Variants in DIP2C observed in about 807,000 individuals in gnomAD.
DIP2C encodes DIP2 acetate--CoA ligase C (putative), also known as disco-interacting protein 2 homolog C.
In DIP2C, 33 loss-of-function variants were observed where a neutral mutation model predicts 192.4. The ratio of observed to expected loss-of-function variants is 0.17; its 90% confidence interval spans 0.13 to 0.23. The LOEUF is 0.23. DIP2C is among the 10% of genes least tolerant of loss of function. DIP2C has a pLI of 1.00. For synonymous variants in DIP2C, 979 were observed against 864.1 expected (o/e 1.13, Z -2.33); for missense variants, 1,537 against 2,110.1 (o/e 0.73, Z 5.32).
chr10:388,302 T>C (rs1398932297), intron 13 of DIP2C, among the ~76,000 whole-genome samples: 2 of 152,102 alleles, frequency 1.3e-5, no homozygotes, highest in African/African-American at 4.8e-5. Context: ...GGACAATCTA[T>C]TCAATGACTA....
intron 1 of DIP2C, among the ~76,000 whole-genome samples, chr10:568,940 A>G (rs1849614813): frequency 6.6e-6 from 1 of 152,138 alleles, no homozygotes; most frequent in African/African-American, 2.4e-5. Context: ...ATGGCCTGCA[A>G]CAAGGAGGAA....
intron 1 of DIP2C, among the ~76,000 whole-genome samples, chr10:586,634 T>C (rs886934100): frequency 6.6e-6 from 1 of 152,218 alleles, no homozygotes; most frequent in Non-Finnish European, 1.5e-5. Context: ...CACATAGTAT[T>C]GAGTTAACAG....
chr10:337,404 GTA>G (rs1957881753), intron 29 of DIP2C, among the ~76,000 whole-genome samples: 1 of 144,286 alleles, frequency 6.9e-6, no homozygotes, highest in East Asian at 2.2e-4. Context: ...GGAGGCCTAC[GTA>G]GCTGTGTGTG....
chr10:665,931 A>C (rs1276968565), intron 1 of DIP2C: 1 of 152,082 alleles, frequency 6.6e-6, no homozygotes, highest in African/African-American at 2.4e-5. Flanking sequence ...AAATCACTCA[A>C]AGAAGCGCTT....
At chr10:617,588 C>G (rs1487094735) in intron 1 of DIP2C, among the ~76,000 whole-genome samples, 1 of 152,014 alleles carries the variant, frequency 6.6e-6, no homozygotes, top group South Asian at 2.1e-4. Context: ...CATTGCTCCA[C>G]GCAGTGACCT....
chr10:679,492 TG>T (rs1330610910), intron 1 of DIP2C, among the ~76,000 whole-genome samples: 1 of 47,078 alleles, frequency 2.1e-5, no homozygotes, highest in Non-Finnish European at 3.9e-5. Context: ...CCCACACCCC[TG>T]CTCCCCACAC....
chr10:563,935 A>T (rs1285812680), intron 1 of DIP2C, among the ~76,000 whole-genome samples: 1 of 152,252 alleles, frequency 6.6e-6, no homozygotes, highest in Non-Finnish European at 1.5e-5. Context: ...TCGCTCATTC[A>T]GGGAATCGAT....
At chr10:509,697 G>C (rs1378368142) in intron 1 of DIP2C, among the ~76,000 whole-genome samples, 1 of 152,180 alleles carries the variant, frequency 6.6e-6, no homozygotes, top group Non-Finnish European at 1.5e-5. Context: ...AGATCCATGA[G>C]ACACAGGACA....
intron 22 of DIP2C, among the ~76,000 whole-genome samples, chr10:361,325 C>T (rs73587803): frequency 0.011 from 1,696 of 152,240 alleles, 27 homozygotes; most frequent in African/African-American, 0.029. Context: ...CACTCCTGAC[C>T]GCAGTGTGAG....
intron 1 of DIP2C, among the ~76,000 whole-genome samples, chr10:518,348 T>TG (rs1846494871): frequency 6.6e-6 from 1 of 152,256 alleles, no homozygotes; most frequent in Non-Finnish European, 1.5e-5. Flanking sequence ...GCTGAAACCC[T>TG]GCTCTTGCAC....
chr10:604,655 A>G (rs1588575962), intron 1 of DIP2C, among the ~76,000 whole-genome samples: 1 of 152,254 alleles, frequency 6.6e-6, no homozygotes, highest in East Asian at 1.9e-4. Context: ...TCTTGATTAT[A>G]GTTTTTATCC....
intron 4 of DIP2C, chr10:437,411 C>CCA (rs1967354884): frequency 6.6e-6 from 1 of 152,498 alleles, no homozygotes; most frequent in Non-Finnish European, 1.5e-5. Context: ...TATGCTCCGC[C>CCA]CACACCTGAG....
chr10:471,669 A>C (rs993203523), intron 3 of DIP2C, among the ~76,000 whole-genome samples: 1 of 152,160 alleles, frequency 6.6e-6, no homozygotes, highest in Non-Finnish European at 1.5e-5. Flanking sequence ...ATTCACAGGT[A>C]ATTTTCTTTT....
At chr10:335,613 G>C (rs1028235753) in intron 29 of DIP2C, among the ~76,000 whole-genome samples, 5 of 152,232 alleles carry the variant, frequency 3.3e-5, no homozygotes, top group Non-Finnish European at 7.3e-5. Flanking sequence ...CCCTAACTTG[G>C]GGGCTGGTGC....
chr10:644,050 A>C (rs905802965), intron 1 of DIP2C, among the ~76,000 whole-genome samples: 2 of 152,268 alleles, frequency 1.3e-5, no homozygotes, highest in African/African-American at 4.8e-5. Flanking sequence ...TGGCTTAGGA[A>C]GCTGCGGCTG....
chr10:449,075 G>C (rs1205141045), intron 3 of DIP2C, among the ~76,000 whole-genome samples: 1 of 147,648 alleles, frequency 6.8e-6, no homozygotes, highest in Non-Finnish European at 1.5e-5. Flanking sequence ...CACTCCCGTC[G>C]ATACTCAGGA....
At chr10:281,714 G>A (rs374943245) in intron 35 of DIP2C, among the ~76,000 whole-genome samples, 63 of 152,324 alleles carry the variant, frequency 4.1e-4, no homozygotes, top group African/African-American at 1.3e-3. Context: ...AAGATCACAC[G>A]GGATACAGTG....
At chr10:408,824 G>C in intron 9 of DIP2C, 102 bp downstream of exon 9, 1 of 1,131,058 alleles carries the variant, frequency 8.8e-7, no homozygotes, top group South Asian at 1.5e-5. Flanking sequence ...CTTTCCAATA[G>C]AAAGTGGAGG....
At chr10:664,780 T>G (rs981104914) in intron 1 of DIP2C, 1 of 152,192 alleles carries the variant, frequency 6.6e-6, no homozygotes, top group East Asian at 1.9e-4. Flanking sequence ...ACCAAATATA[T>G]ATCTACAAAT....
Sources: allele counts gnomAD v4.1 joint callset (sites outside exome capture counted in the v4.1 genomes callset), GRCh38; gene constraint gnomAD v4.1.1; transcripts MANE v1.5; gene names NCBI Gene and HGNC (gene_info 2026-07-23, HGNC 2026-07-21).